Variants in PRH1 observed in about 807,000 individuals in gnomAD.
The protein encoded by PRH1 is proline rich protein HaeIII subfamily 1.
A neutral mutation model predicts 7.9 loss-of-function variants in PRH1; 7 were observed. The ratio of observed to expected loss-of-function variants is 0.89; its 90% CI spans 0.50 to 1.67. The LOEUF is 1.67. PRH1 is among the 40% of genes most tolerant of loss of function. The probability of loss-of-function intolerance (pLI) is 0.00; values close to 1 mark genes in which losing one functional copy is unlikely to be tolerated. For synonymous variants in PRH1, 45 were observed against 80.8 expected (o/e 0.56, Z 2.38); for missense variants, 109 against 223.6 (o/e 0.49, Z 3.27).
intron 2 of PRH1, among the ~76,000 whole-genome samples, chr12:10,923,123 C>T (rs1345456590): frequency 3.1e-4 from 47 of 149,778 alleles, no homozygotes; most frequent in East Asian, 1.6e-3. Flanking sequence ...CCACCGCGCC[C>T]GGCCCTTTTT....
At chr12:11,042,623 C>CTTTTTTTTTTTTTTCTTTTTTTT (rs1942752685) in intron 1 of PRH1, among the ~76,000 whole-genome samples, 1 of 79,320 alleles carries the variant, frequency 1.3e-5, no homozygotes, top group Non-Finnish European at 2.3e-5. Context: ...CAGGCTCATT[C>CTTTTTTTTTTTTTTCTTTTTTTT]TTTTTTTTTT....
At chr12:11,045,299 T>G (rs1942863284) in intron 1 of PRH1, among the ~76,000 whole-genome samples, 3 of 136,398 alleles carry the variant, frequency 2.2e-5, no homozygotes, top group South Asian at 2.5e-4. Flanking sequence ...AGGGAAGGAG[T>G]GGCTGGTTAA....
chr12:10,944,292 A>C (rs1013797899), intron 2 of PRH1, among the ~76,000 whole-genome samples: 5 of 151,768 alleles, frequency 3.3e-5, no homozygotes, highest in African/African-American at 1.2e-4. Context: ...TAAATTTTTC[A>C]CTTCCCTCGT....
chr12:11,066,919 T>A (rs1210793328), intron 1 of PRH1, among the ~76,000 whole-genome samples: 1 of 152,098 alleles, frequency 6.6e-6, no homozygotes, highest in Admixed American at 6.5e-5. Flanking sequence ...ATAGCAAAAG[T>A]GACATCCAAT....
At chr12:11,112,261 C>A (rs1266654233) in intron 1 of PRH1, among the ~76,000 whole-genome samples, 1 of 152,134 alleles carries the variant, frequency 6.6e-6, no homozygotes, top group Non-Finnish European at 1.5e-5. Context: ...TGAAACTATT[C>A]AAAACACTGG....
chr12:10,931,271 C>A (rs1950208994), intron 2 of PRH1: 2 of 1,220,490 alleles, frequency 1.6e-6, no homozygotes, highest in Non-Finnish European at 2.2e-6. Flanking sequence ...AAGGCAATTC[C>A]AATTTTGAGA....
intron 1 of PRH1, among the ~76,000 whole-genome samples, chr12:11,027,334 T>A (rs1264371989): frequency 4.6e-5 from 7 of 150,858 alleles, no homozygotes; most frequent in African/African-American, 1.7e-4. Flanking sequence ...GTTTCTTAAC[T>A]ATAGTAAAAT....
At chr12:11,146,482 G>C (rs1946864964) in intron 1 of PRH1, among the ~76,000 whole-genome samples, 1 of 151,908 alleles carries the variant, frequency 6.6e-6, no homozygotes, top group Admixed American at 6.6e-5. Flanking sequence ...TATATTCCTA[G>C]TTTTAATACT....
chr12:10,899,526 G>A (rs1410884477), intron 2 of PRH1, among the ~76,000 whole-genome samples: 2 of 152,062 alleles, frequency 1.3e-5, no homozygotes, highest in Non-Finnish European at 2.9e-5. Flanking sequence ...TTGTTCTAGG[G>A]GAATGAGTTG....
At chr12:11,101,948 C>T (rs969087396) in intron 1 of PRH1, among the ~76,000 whole-genome samples, 5 of 152,010 alleles carry the variant, frequency 3.3e-5, no homozygotes, top group African/African-American at 1.2e-4. Context: ...TTCACAATTG[C>T]TTCAAAGAGA....
intron 1 of PRH1, among the ~76,000 whole-genome samples, chr12:11,028,116 T>C (rs1942008925): frequency 6.6e-6 from 1 of 152,172 alleles, no homozygotes; most frequent in Non-Finnish European, 1.5e-5. Flanking sequence ...ATCCTTCTAT[T>C]TGGGACTTGA....
chr12:10,889,078 G>T (rs542119162), upstream of PRH1, among the ~76,000 whole-genome samples: 96 of 152,234 alleles, frequency 6.3e-4, no homozygotes, highest in Non-Finnish European at 1.1e-3. Context: ...TATTGTGTTT[G>T]CCCACTTTCC....
chr12:11,051,638 G>T (rs551966309), upstream of PRH1, among the ~76,000 whole-genome samples: 1 of 152,158 alleles, frequency 6.6e-6, no homozygotes, highest in South Asian at 2.1e-4. Context: ...AATTTATGAT[G>T]ATCATTTTTT....
intron 2 of PRH1, among the ~76,000 whole-genome samples, chr12:10,972,931 C>CCG: frequency 7.7e-6 from 1 of 129,594 alleles, no homozygotes. Context: ...CACCACAACC[C>CCG]ACCCCCCCCG....
At chr12:10,945,256 A>G (rs928363876) in intron 2 of PRH1, among the ~76,000 whole-genome samples, 1 of 152,120 alleles carries the variant, frequency 6.6e-6, no homozygotes, top group Non-Finnish European at 1.5e-5. Flanking sequence ...TGTGCAGGGA[A>G]CAAATTTCTT....
chr12:10,932,961 G>A (rs1421987369), intron 2 of PRH1, among the ~76,000 whole-genome samples: 1 of 151,898 alleles, frequency 6.6e-6, no homozygotes, highest in Non-Finnish European at 1.5e-5. Context: ...AAATACACTT[G>A]GGAGAACAGA....
intron 2 of PRH1, among the ~76,000 whole-genome samples, chr12:10,942,177 T>C (rs1036850819): frequency 6.6e-6 from 1 of 152,066 alleles, no homozygotes; most frequent in African/African-American, 2.4e-5. Context: ...AGTTTAATGC[T>C]CTATTTTTGT....
At chr12:11,081,564 T>C (rs547724984) in intron 1 of PRH1, among the ~76,000 whole-genome samples, 1 of 116,606 alleles carries the variant, frequency 8.6e-6, no homozygotes, top group South Asian at 2.3e-4. Flanking sequence ...AGAAATTAAG[T>C]TGATGTGAGT....
chr12:11,031,122 T>G (rs376280758), intron 1 of PRH1: 19 of 1,614,160 alleles, frequency 1.2e-5, no homozygotes, highest in Middle Eastern at 1.6e-4. Context: ...AAAGCTGGAT[T>G]AAACACAGTT....
Sources: gnomAD v4.1 joint callset for allele counts (sites outside exome capture counted in the v4.1 genomes callset) on GRCh38, gnomAD v4.1.1 for gene constraint, MANE v1.5 for transcripts, NCBI Gene and HGNC (gene_info 2026-07-23, HGNC 2026-07-21) for gene names.